Variants in COL4A4 observed in about 807,000 individuals in gnomAD.
COL4A4 encodes collagen type IV alpha 4 chain.
In COL4A4, 105 loss-of-function variants were observed where a neutral mutation model predicts 192.9. That is an observed-to-expected ratio of 0.54 (90% CI 0.46 to 0.64). The LOEUF is 0.64. Among genes scored for constraint, COL4A4 ranks in the 30% least tolerant of loss-of-function variants. The pLI, the probability that COL4A4 is intolerant of heterozygous loss-of-function variation, is 0.00. For synonymous variants in COL4A4, 762 were observed against 769.9 expected, an observed-to-expected ratio of 0.99 and a Z score of 0.17; for missense variants, 1,967 against 2,169.3, an observed-to-expected ratio of 0.91 and a Z score of 1.85.
At chr2:227,021,522 C>A (rs1663057689) in intron 44 of COL4A4, among the ~76,000 whole-genome samples, 1 of 152,134 alleles carries the variant, frequency 6.6e-6, no homozygotes, top group Non-Finnish European at 1.5e-5. Context: ...AGTAGGAGTT[C>A]CACATAAAAA....
intron 25 of COL4A4, among the ~76,000 whole-genome samples, chr2:227,077,527 G>C (rs1261759190): frequency 6.6e-6 from 1 of 152,098 alleles, no homozygotes; most frequent in Non-Finnish European, 1.5e-5. Flanking sequence ...AGAGCATTAG[G>C]ACAAATACCT....
At chr2:227,072,845 A>C (rs184577516) in intron 25 of COL4A4, among the ~76,000 whole-genome samples, 2 of 152,066 alleles carry the variant, frequency 1.3e-5, no homozygotes, top group African/African-American at 2.4e-5. Context: ...AAAATCCAGC[A>C]TTCCTTTATG....
At chr2:227,108,465 T>C in intron 12 of COL4A4, 116 bp downstream of exon 12, 1 of 996,326 alleles carries the variant, frequency 1.0e-6, no homozygotes, top group Admixed American at 1.8e-5. Flanking sequence ...TTCTCAGCCA[T>C]AAAATTGGGC....
At chr2:227,093,801 G>A (rs764364769) in intron 20 of COL4A4, among the ~76,000 whole-genome samples, 18 of 151,626 alleles carry the variant, frequency 1.2e-4, no homozygotes, top group Non-Finnish European at 2.4e-4. Context: ...GCTCTCCCTG[G>A]GCAGTGGGCA....
intron 8 of COL4A4, 197 bp downstream of exon 8, chr2:227,114,431 C>T (rs2061379184): frequency 1.5e-6 from 1 of 674,940 alleles, no homozygotes; most frequent in African/African-American, 1.8e-5. Flanking sequence ...TGGAATTTTA[C>T]AGTGCTGGAA....
Position 227,121,146 on chromosome 2 carries a change from A to T in COL4A4, c.195T>A (p.Gly65=), listed in dbSNP as rs201278620. 6.2e-7 allele frequency: 1 copy of T among 1,613,952 alleles called. No individual in the cohort carries two copies. The highest frequency in any genetic ancestry group is 8.5e-7 in the Non-Finnish European group (1 of 1,179,950). The change falls in exon 5 of 48, where the codon GGT becomes GGA. Residue 65 remains glycine (G), a splice_region_variant and synonymous_variant. Coordinates refer to ENST00000396625, the MANE Select transcript of COL4A4 (RefSeq NM_000092.5). ...CHCVPEKGSR[G]PPGPPGPQGP... Reference sequence around the variant, plus strand: ...CCTGTGGCCCTGGTGGTCCTGGTGGACCCTGAGAAGGAAGATTAAAAAGAA... The same window carrying T: ...CCTGTGGCCCTGGTGGTCCTGGTGGTCCCTGAGAAGGAAGATTAAAAAGAA...
the COL4A4 span, among the ~76,000 whole-genome samples, chr2:226,994,602 A>G: frequency 6.6e-6 from 1 of 152,156 alleles, no homozygotes; most frequent in East Asian, 1.9e-4. Flanking sequence ...GTAAACCTCT[A>G]CTTACCCGTA....
chr2:227,149,589 G>A (rs1237635508), intron 1 of COL4A4, among the ~76,000 whole-genome samples: 2 of 151,970 alleles, frequency 1.3e-5, no homozygotes, highest in African/African-American at 4.8e-5. Flanking sequence ...TGTTTTGGAA[G>A]GAAAACGCAA....
intron 25 of COL4A4, among the ~76,000 whole-genome samples, chr2:227,066,997 G>A (rs2058382832): frequency 6.7e-6 from 1 of 148,220 alleles, no homozygotes; most frequent in Non-Finnish European, 1.5e-5. Flanking sequence ...ACACACATAG[G>A]CTCAAAATAA....
chr2:227,015,212 A>G (rs1964620529), intron 44 of COL4A4, among the ~76,000 whole-genome samples: 1 of 152,050 alleles, frequency 6.6e-6, no homozygotes, highest in Non-Finnish European at 1.5e-5. Flanking sequence ...TTATTTCCAG[A>G]ACCTCTGTTC....
At chr2:227,147,300 TG>T in intron 2 of COL4A4, 112 bp downstream of exon 2, 1 of 975,368 alleles carries the variant, frequency 1.0e-6, no homozygotes, top group Non-Finnish European at 1.6e-6. Context: ...CTTAGCTTTC[TG>T]GAATGATTTG....
intron 4 of COL4A4, among the ~76,000 whole-genome samples, chr2:227,124,030 G>T (rs2061950013): frequency 6.6e-6 from 1 of 152,064 alleles, no homozygotes; most frequent in South Asian, 2.1e-4. Context: ...ATAGTGCCTG[G>T]CATAACAAAT....
chr2:227,033,575 T>TC, intron 37 of COL4A4, 94 bp from the exon 38 acceptor site: 2 of 1,080,452 alleles, frequency 1.9e-6, no homozygotes, highest in Non-Finnish European at 2.8e-6. Flanking sequence ...AGAGGGCGCG[T>TC]TGCTGGGGCC....
rs1334613513 is a variant in COL4A4, at chr2:227,121,114, A to G, written c.227T>C (p.Ile76Thr). Residue 76 changes from isoleucine (I) to threonine (T), a missense_variant, in exon 5 of 48, where the codon ATT becomes ACT. Ile to Thr is a moderately conservative substitution (Grantham distance 89). Transcript: ENST00000396625. ...PPGPPGPQGP[I>T]GPLGAPGPIG... ...GGGTCCTGGGGCTCCCAGGGGTCCA[A>G]TTGGACCCTGTGGCCCTGGTGGTCC... 8 of 1,613,976 alleles carry G rather than the reference A, an allele frequency of 5.0e-6. No individual in the cohort carries two copies. The highest frequency in any genetic ancestry group is 6.8e-6 in the Non-Finnish European group (8 of 1,180,012).
chr2:226,995,644 G>A, the COL4A4 span: 1 of 716,184 alleles, frequency 1.4e-6, no homozygotes, highest in Non-Finnish European at 2.5e-6. Context: ...TATTGCTCCA[G>A]ATCGCTCACA....
intron 4 of COL4A4, among the ~76,000 whole-genome samples, chr2:227,132,923 C>T (rs899265564): frequency 6.6e-6 from 1 of 152,178 alleles, no homozygotes; most frequent in African/African-American, 2.4e-5. Context: ...TATAATTCCT[C>T]ATCTTAGCTA....
chr2:227,015,782 G>A (rs1283024413), intron 44 of COL4A4, among the ~76,000 whole-genome samples: 1 of 152,142 alleles, frequency 6.6e-6, no homozygotes, highest in African/African-American at 2.4e-5. Context: ...AGATAATATT[G>A]TAGGAAAATA....
At chr2:227,041,204 C>T (rs1468314227) in intron 37 of COL4A4, among the ~76,000 whole-genome samples, 1 of 152,088 alleles carries the variant, frequency 6.6e-6, no homozygotes, top group Non-Finnish European at 1.5e-5. Flanking sequence ...CTGTCAGCTC[C>T]ATGAGGGCAG....
chr2:227,000,751 A>T (rs1338087528), downstream of COL4A4, among the ~76,000 whole-genome samples: 1 of 150,880 alleles, frequency 6.6e-6, no homozygotes, highest in Non-Finnish European at 1.5e-5. Flanking sequence ...CCCAAATCTC[A>T]TCTTGAATTC....
Sources: gnomAD v4.1 joint callset for allele counts (sites outside exome capture counted in the v4.1 genomes callset) on GRCh38, gnomAD v4.1.1 for gene constraint, MANE v1.5 for transcripts, NCBI Gene and HGNC (gene_info 2026-07-23, HGNC 2026-07-21) for gene names.